SYNE2: variants seen among roughly 807,000 people sequenced by gnomAD.
SYNE2 encodes the protein nesprin-2.
Under a neutral mutation model 856.3 loss-of-function variants are expected in SYNE2, and 431 were observed. The ratio of observed to expected loss-of-function variants is 0.50; its 90% CI spans 0.47 to 0.55. The LOEUF is 0.55. Among genes scored for constraint, SYNE2 ranks in the 20% least tolerant of loss-of-function variants. SYNE2 has a pLI of 0.00. For missense variants in SYNE2, 8,129 were observed against 8,023.2 expected (o/e 1.01, Z -0.50); for synonymous variants, 2,923 against 2,872.3 (o/e 1.02, Z -0.56).
intron 43 of SYNE2, 86 bp downstream of exon 43, chr14:64,027,879 G>C: frequency 1.9e-6 from 2 of 1,073,736 alleles, no homozygotes; most frequent in South Asian, 2.9e-5. Context: ...TGTTGTTGTT[G>C]TTCATTTTGT....
chr14:63,833,800 T>C (rs1442751115), intron 1 of SYNE2, among the ~76,000 whole-genome samples: 1 of 152,234 alleles, frequency 6.6e-6, no homozygotes, highest in East Asian at 1.9e-4. Flanking sequence ...TAATTTTAAG[T>C]TGATTCATAC....
intron 1 of SYNE2, among the ~76,000 whole-genome samples, chr14:63,831,469 T>G (rs35244884): frequency 0.06 from 9,088 of 152,006 alleles, 294 homozygotes; most frequent in Middle Eastern, 0.099. Context: ...TGTATTTGTC[T>G]GATTCTTCTA....
At chr14:63,981,331 T>C (rs1169685861) in intron 16 of SYNE2, among the ~76,000 whole-genome samples, 158 bp downstream of exon 16, 5 of 152,070 alleles carry the variant, frequency 3.3e-5, no homozygotes, top group Non-Finnish European at 7.4e-5. Flanking sequence ...CTTCCTGATA[T>C]AATTGCCAAG....
At chr14:63,865,685 C>G (rs563591553) in intron 1 of SYNE2, among the ~76,000 whole-genome samples, 1 of 142,242 alleles carries the variant, frequency 7.0e-6, no homozygotes, top group South Asian at 2.4e-4. Flanking sequence ...GCACTCCAGC[C>G]TGGGCAACAA....
intron 6 of SYNE2, 74 bp from the exon 7 acceptor site, chr14:63,949,751 T>C: frequency 6.6e-7 from 1 of 1,516,696 alleles, no homozygotes; most frequent in Non-Finnish European, 9.2e-7. Flanking sequence ...AGGTCTCTAT[T>C]TTGACTGGAA....
chr14:64,190,301 C>G, intron 99 of SYNE2, 64 bp downstream of exon 99: 1 of 1,597,682 alleles, frequency 6.3e-7, no homozygotes, highest in African/African-American at 1.3e-5. Context: ...ATCTAGTAAA[C>G]TGAACCCAGT....
chr14:63,779,607 C>CAAAT (rs1248811102), intron 1 of SYNE2, among the ~76,000 whole-genome samples: 2 of 151,968 alleles, frequency 1.3e-5, no homozygotes, highest in East Asian at 1.9e-4. Context: ...TTAGCGAATG[C>CAAAT]AAATAAATAA....
At chr14:64,182,749 A>G (rs958588439) in intron 96 of SYNE2, among the ~76,000 whole-genome samples, 1 of 152,242 alleles carries the variant, frequency 6.6e-6, no homozygotes, top group Admixed American at 6.5e-5. Flanking sequence ...AATTTTTCTT[A>G]GTACAGAACA....
intron 108 of SYNE2, among the ~76,000 whole-genome samples, chr14:64,217,325 A>G (rs2098671262): frequency 6.6e-6 from 1 of 152,212 alleles, no homozygotes; most frequent in Admixed American, 6.5e-5. Flanking sequence ...GTTTATAGCA[A>G]TGGCTGTTTC....
chr14:64,149,180 C>T (rs917269966), intron 84 of SYNE2, among the ~76,000 whole-genome samples: 2 of 151,704 alleles, frequency 1.3e-5, no homozygotes, highest in African/African-American at 2.4e-5. Flanking sequence ...TGTTGCACAC[C>T]TGTAATCCTA....
intron 1 of SYNE2, among the ~76,000 whole-genome samples, chr14:63,872,423 A>T (rs1250989573): frequency 8.4e-6 from 1 of 118,684 alleles, no homozygotes; most frequent in Non-Finnish European, 1.9e-5. Flanking sequence ...ACAAAGCGAG[A>T]CACCATCTCA....
At chr14:64,145,243 TTA>T (rs150319366) in intron 83 of SYNE2, among the ~76,000 whole-genome samples, 24,700 of 151,542 alleles carry the variant, frequency 0.16, 2,820 homozygotes, top group African/African-American at 0.33. Context: ...CCTTTTAAAA[TTA>T]TGTCATGACA....
At chr14:63,897,645 A>G (rs1255488843) in intron 1 of SYNE2, among the ~76,000 whole-genome samples, 1 of 152,216 alleles carries the variant, frequency 6.6e-6, no homozygotes, top group African/African-American at 2.4e-5. Context: ...ATTTGGGTTC[A>G]TTCGCAGCCG....
At chr14:64,145,533 C>T (rs1309626371) in intron 83 of SYNE2, among the ~76,000 whole-genome samples, 3 of 149,382 alleles carry the variant, frequency 2.0e-5, no homozygotes, top group African/African-American at 7.4e-5. Context: ...AAAATTATGT[C>T]ATGACACAGT....
chr14:63,859,269 C>A (rs753781539), intron 1 of SYNE2, among the ~76,000 whole-genome samples: 1 of 152,120 alleles, frequency 6.6e-6, no homozygotes, highest in African/African-American at 2.4e-5. Context: ...ACTCCATGAA[C>A]CAGCTGTTGG....
intron 92 of SYNE2, 134 bp from the exon 93 acceptor site, chr14:64,168,743 G>T (rs1031774459): frequency 7.4e-6 from 5 of 674,270 alleles, no homozygotes; most frequent in Non-Finnish European, 1.3e-5. Context: ...ATTTTTTGCA[G>T]TAGGTTCAAA....
intron 14 of SYNE2, among the ~76,000 whole-genome samples, chr14:63,979,697 G>A (rs1369673920): frequency 6.6e-6 from 1 of 152,248 alleles, no homozygotes; most frequent in Non-Finnish European, 1.5e-5. Context: ...TGGATTGCCT[G>A]AGGTCAGGAG....
chr14:63,910,161 T>C (rs1290659171), intron 2 of SYNE2, among the ~76,000 whole-genome samples: 1 of 152,244 alleles, frequency 6.6e-6, no homozygotes, highest in Non-Finnish European at 1.5e-5. Context: ...TTTAAGATTA[T>C]GGGCAGTATT....
At position 64,021,446 on chromosome 14, in the gene SYNE2, C is replaced by G. The variant is rs538727654; in HGVS notation, c.5283C>G (p.Ile1761Met). Reference sequence around the variant, plus strand: ...ATCTCGACCAAGCCAAGACCCAGATCGGGATGACTGAATCCCTCTTAAAAG... The same window carrying G: ...ATCTCGACCAAGCCAAGACCCAGATGGGGATGACTGAATCCCTCTTAAAAG... Reference protein sequence around the residue: ...REDLDQAKTQIGMTESLLKAL... With the variant: ...REDLDQAKTQMGMTESLLKAL... The change falls in exon 36 of 116, where the codon ATC (isoleucine) becomes ATG (methionine). Residue 1761 changes from isoleucine to methionine, a missense_variant. By Grantham distance (10) the Ile-to-Met change is conservative (BLOSUM62 1). Transcript: ENST00000555002. The G allele has an allele frequency of 1.2e-6, 2 of 1,614,162 alleles. No individual in the cohort carries two copies. The highest frequency in any genetic ancestry group is 1.7e-6 in the Non-Finnish European group (2 of 1,180,024).
Sources: allele counts gnomAD v4.1 joint callset (sites outside exome capture counted in the v4.1 genomes callset), GRCh38; gene constraint gnomAD v4.1.1; transcripts MANE v1.5; gene names NCBI Gene and HGNC (gene_info 2026-07-23, HGNC 2026-07-21).